Variants in RIMBP2 observed in about 807,000 individuals in gnomAD.
RIMBP2 encodes the protein RIMS binding protein 2.
A neutral mutation model predicts 118.6 loss-of-function variants in RIMBP2; 48 were observed. That is an observed-to-expected ratio of 0.40 (90% CI 0.32 to 0.51). The LOEUF is 0.51. Among genes scored for constraint, RIMBP2 ranks in the 20% least tolerant of loss-of-function variants. RIMBP2 has a pLI of 0.41. For synonymous variants in RIMBP2, 762 were observed against 742.9 expected (o/e 1.03, Z -0.42); for missense variants, 1,551 against 1,768.3 (o/e 0.88, Z 2.20).
intron 1 of RIMBP2, among the ~76,000 whole-genome samples, chr12:130,672,875 T>C (rs1174187129): frequency 3.9e-5 from 6 of 152,206 alleles, no homozygotes; most frequent in Non-Finnish European, 5.9e-5. Context: ...ACACAGCGTT[T>C]ACAGGCCTTA....
At chr12:130,502,018 C>T (rs1011646375) in intron 4 of RIMBP2, among the ~76,000 whole-genome samples, 3 of 152,236 alleles carry the variant, frequency 2.0e-5, no homozygotes, top group African/African-American at 7.2e-5. Context: ...CCCATTCAAG[C>T]CTGGGCCTTA....
At chr12:130,538,472 GA>G (rs1192149107) in intron 2 of RIMBP2, among the ~76,000 whole-genome samples, 1 of 151,886 alleles carries the variant, frequency 6.6e-6, no homozygotes, top group African/African-American at 2.4e-5. Context: ...GAGAATCCCC[GA>G]ATCCACTCAA....
At chr12:130,485,948 C>T (rs560353850) in intron 4 of RIMBP2, among the ~76,000 whole-genome samples, 13 of 152,270 alleles carry the variant, frequency 8.5e-5, no homozygotes, top group African/African-American at 3.1e-4. Flanking sequence ...AGCACTCGGC[C>T]CTCGAAGACA....
intron 3 of RIMBP2, among the ~76,000 whole-genome samples, chr12:130,512,986 A>AC (rs1335387948): frequency 9.4e-4 from 143 of 152,198 alleles, no homozygotes; most frequent in African/African-American, 3.3e-3. Flanking sequence ...TTTTTTTACT[A>AC]GGAAAAAAAA....
intron 2 of RIMBP2, among the ~76,000 whole-genome samples, chr12:130,535,767 A>ATATATATATATATG (rs2054012194): frequency 1.6e-5 from 1 of 63,174 alleles, no homozygotes; most frequent in South Asian, 5.1e-4. Flanking sequence ...ATATATATAT[A>ATATATATATATATG]TATATATATA....
rs1057268034 is a variant in RIMBP2 at position 130,622,064 on chromosome 12, G to A, written c.-217+6258C>T. ...AATACATAATTGCTTTAGTCATGAA[G>A]AGTAACGACATTAAGAGCCATTTTA... is the stretch of plus-strand genomic sequence containing the variant. On this transcript the variant is annotated intron_variant, in intron 2 of 22. Coordinates refer to ENST00000690449, the MANE Select transcript of RIMBP2 (RefSeq NM_001393629.1). This position sits in a 1 kb window ranked among gnomAD's most constrained non-coding sequence, Gnocchi z 8.5. Among the ~76,000 whole-genome samples the A allele has an allele frequency of 6.6e-6, 1 of 152,240 alleles. No homozygotes were observed. The highest frequency in any genetic ancestry group is 2.4e-5 in the African/African-American group (1 of 41,462).
chr12:130,614,377 C>T (rs1225157372), intron 2 of RIMBP2, among the ~76,000 whole-genome samples: 1 of 152,176 alleles, frequency 6.6e-6, no homozygotes, highest in Non-Finnish European at 1.5e-5. Context: ...CGACGACATT[C>T]CCTCTGCCCT....
At chr12:130,547,879 A>T (rs2055335736) in intron 2 of RIMBP2, among the ~76,000 whole-genome samples, 1 of 152,240 alleles carries the variant, frequency 6.6e-6, no homozygotes, top group African/African-American at 2.4e-5. Context: ...TAAGCTTCTA[A>T]GCAGGAGGTT....
At chr12:130,696,820 A>G (rs73454567) in intron 1 of RIMBP2, among the ~76,000 whole-genome samples, 354 of 152,330 alleles carry the variant, frequency 2.3e-3, no homozygotes, top group African/African-American at 7.6e-3. Flanking sequence ...TTGGAGTCTC[A>G]GTTTGGGAAG....
intron 2 of RIMBP2, among the ~76,000 whole-genome samples, chr12:130,580,949 T>TG (rs1555298087): frequency 1.1e-4 from 12 of 108,572 alleles, no homozygotes; most frequent in East Asian, 3.3e-4. Context: ...GTGTGTGTGT[T>TG]TGTTTGTGTG....
chr12:130,651,219 G>A (rs1313404648), intron 1 of RIMBP2, among the ~76,000 whole-genome samples: 1 of 152,100 alleles, frequency 6.6e-6, no homozygotes, highest in Admixed American at 6.5e-5. Flanking sequence ...ATTTTATTCT[G>A]CAGGGCACTC....
At chr12:130,459,933 C>T (rs2078002579) in intron 6 of RIMBP2, among the ~76,000 whole-genome samples, 1 of 152,182 alleles carries the variant, frequency 6.6e-6, no homozygotes, top group Admixed American at 6.5e-5. Context: ...GCCCATCAGT[C>T]CATCCTCAAC....
chr12:130,494,251 G>T (rs1429772268), intron 4 of RIMBP2, among the ~76,000 whole-genome samples: 5 of 152,056 alleles, frequency 3.3e-5, no homozygotes, highest in African/African-American at 4.8e-5. Flanking sequence ...CAAGCATCAG[G>T]CCTAGAAGTT....
intron 4 of RIMBP2, among the ~76,000 whole-genome samples, chr12:130,492,019 G>A (rs1459454049): frequency 1.3e-5 from 2 of 152,186 alleles, no homozygotes; most frequent in African/African-American, 2.4e-5. Context: ...CAGATCAAAC[G>A]TGGACTTGTC....
chr12:130,647,169 C>T (rs2063023096), intron 1 of RIMBP2, among the ~76,000 whole-genome samples: 1 of 152,176 alleles, frequency 6.6e-6, no homozygotes, highest in Non-Finnish European at 1.5e-5. Context: ...TCAAGACCAG[C>T]TTAGCCAACA....
Position 130,539,036 on chromosome 12 carries a change from C to T in RIMBP2, c.-216-21119G>A, listed in dbSNP as rs982586928. On this transcript the variant is annotated intron_variant, in intron 2 of 22. Coordinates refer to ENST00000690449, the MANE Select transcript of RIMBP2 (RefSeq NM_001393629.1). The stretch of plus-strand genomic sequence containing the variant: ...GATGATCTTCAGTGGCTTTCTAGAC[C>T]ACGCTTCAGAAAATATGGCCTGCAG... 2.0e-5 allele frequency among the ~76,000 whole-genome samples: 3 copies of T among 152,186 alleles called. No individual in the cohort carries two copies. In the East Asian group the frequency reaches 5.8e-4, roughly 29 times the overall value.
At chr12:130,482,735 T>G (rs527597174) in intron 4 of RIMBP2, among the ~76,000 whole-genome samples, 26 of 149,592 alleles carry the variant, frequency 1.7e-4, no homozygotes, top group African/African-American at 6.4e-4. Flanking sequence ...CTCATCCCAA[T>G]ACACCCATTG....
chr12:130,453,292 C>T (rs139547530), intron 7 of RIMBP2, among the ~76,000 whole-genome samples: 23 of 152,344 alleles, frequency 1.5e-4, no homozygotes, highest in African/African-American at 5.3e-4. Context: ...GGGCGCGAGT[C>T]CCTTTGTGGC....
chr12:130,695,777 G>C (rs1280102537), intron 1 of RIMBP2, among the ~76,000 whole-genome samples: 2 of 152,124 alleles, frequency 1.3e-5, no homozygotes, highest in African/African-American at 4.8e-5. Flanking sequence ...GGGCAGGCTG[G>C]TCTGGACTAA....
Sources: gnomAD v4.1 joint callset for allele counts (sites outside exome capture counted in the v4.1 genomes callset) on GRCh38, gnomAD v4.1.1 for gene constraint, Gnocchi (gnomAD v3.1) non-coding constraint, MANE v1.5 for transcripts, NCBI Gene and HGNC (gene_info 2026-07-23, HGNC 2026-07-21) for gene names.